Variants in ESS2 observed in about 807,000 individuals in gnomAD.
ESS2 encodes the protein ess-2 spliceosome associated protein.
Under a neutral mutation model 52.0 loss-of-function variants are expected in ESS2, and 31 were observed. The ratio of observed to expected loss-of-function variants is 0.60; its 90% CI spans 0.45 to 0.81. The LOEUF is 0.81. Among genes scored for constraint, ESS2 ranks in the 30% least tolerant of loss-of-function variants. The pLI is 0.00. For synonymous variants in ESS2, 285 were observed against 259.2 expected (o/e 1.10, Z -0.95); for missense variants, 602 against 637.2 (o/e 0.94, Z 0.59).
At position 19,134,079 on chromosome 22, in the gene ESS2, T is replaced by C. The variant is rs2083537088; in HGVS notation, c.*117A>G. On this transcript the variant is annotated 3_prime_UTR_variant, in exon 10 of 10. Transcript: ENST00000252137. ...AGCCCCTTTCTCCAGTGACTCCTGG[T>C]ATGGTCAACAGCTTCTGGCCCAGGC... The C allele has an allele frequency of 4.8e-6, 6 of 1,241,908 alleles. No individual in the cohort carries two copies. In the South Asian group the frequency reaches 1.3e-4, roughly 27 times the overall value. 76.9% of individuals were successfully genotyped at this position (1,241,908 alleles called of 1,614,324 possible). A position where few individuals can be genotyped will look rare whatever the true frequency, so the allele number is the denominator to read the frequency against.
chr22:19,133,006 C>G lies in ESS2; in HGVS notation c.*1190G>C, dbSNP rs902787469. 1 of 154,886 alleles carries G rather than the reference C, an allele frequency of 6.5e-6. No homozygotes were observed. Among genetic ancestry groups the G allele is most frequent in the African/African-American group, 2.4e-5 (1 of 41,472 alleles). 9.6% of individuals were successfully genotyped at this position (154,886 alleles called of 1,614,324 possible). Reference sequence around the variant, plus strand: ...GACCTACCCCCACTCCCTCACAATCCCTCGCTCAGCATCCTCCTCTTCCTC... The same window carrying G: ...GACCTACCCCCACTCCCTCACAATCGCTCGCTCAGCATCCTCCTCTTCCTC... On this transcript the variant is annotated 3_prime_UTR_variant, in exon 10 of 10. Coordinates refer to ENST00000252137, the MANE Select transcript of ESS2 (RefSeq NM_022719.3).
At chr22:19,144,430 CG>C in intron 1 of ESS2, 75 bp downstream of exon 1, 1 of 1,600,614 alleles carries the variant, frequency 6.2e-7, no homozygotes, top group East Asian at 2.3e-5. Flanking sequence ...TGTCAACACC[CG>C]AGAGAGGGAA....
chr22:19,138,403 G>A, intron 6 of ESS2, 86 bp from the exon 7 acceptor site: 1 of 1,240,960 alleles, frequency 8.1e-7, no homozygotes, highest in Non-Finnish European at 1.2e-6. Context: ...GGAACATGCT[G>A]GAAACACTTC....
intron 3 of ESS2, among the ~76,000 whole-genome samples, chr22:19,141,380 T>C (rs1569112136): frequency 1.3e-5 from 2 of 152,180 alleles, no homozygotes; most frequent in Admixed American, 6.5e-5. Flanking sequence ...ATTCTACTAC[T>C]GATGAAAAGA....
At chr22:19,144,099 G>A in intron 1 of ESS2, 1 of 1,011,612 alleles carries the variant, frequency 9.9e-7, no homozygotes, top group Non-Finnish European at 1.2e-6. Flanking sequence ...GTGTGCGTGT[G>A]GTGGGGCGAC....
At chr22:19,140,288 C>G (rs1009523204) in intron 3 of ESS2, among the ~76,000 whole-genome samples, 2 of 152,188 alleles carry the variant, frequency 1.3e-5, no homozygotes, top group Non-Finnish European at 2.9e-5. Context: ...AAGGGAATTA[C>G]GTGGTCTGAT....
At chr22:19,138,106 T>C in intron 7 of ESS2, 109 bp downstream of exon 7, 3 of 1,553,236 alleles carry the variant, frequency 1.9e-6, no homozygotes. Context: ...TTACACAAGG[T>C]GTGGGGCAGG....
rs749669668 is a variant in ESS2, at chr22:19,139,964, C to T, written c.461G>A (p.Arg154His). 20 of 1,613,996 alleles carry T rather than the reference C, an allele frequency of 1.2e-5. No individual in the cohort carries two copies. Among genetic ancestry groups the T allele is most frequent in the African/African-American group, 6.7e-5 (5 of 74,938 alleles). Reference protein sequence around the residue: ...PLPSLDVFLSRYTSEDNASFQ... With the variant: ...PLPSLDVFLSHYTSEDNASFQ... ...GGAGGCATTGTCCTCACTCGTGTAGCGGCTCAGGAAGACATCTAGGCTGGG... is the reference window on the plus strand; with the variant it reads ...GGAGGCATTGTCCTCACTCGTGTAGTGGCTCAGGAAGACATCTAGGCTGGG... The change falls in exon 4 of 10, where the codon CGC becomes CAC. Residue 154 changes from arginine to histidine, a missense_variant. Coordinates refer to ENST00000252137, the MANE Select transcript of ESS2 (RefSeq NM_022719.3).
intron 1 of ESS2, 178 bp downstream of exon 1, chr22:19,144,328 C>A (rs964373792): frequency 7.1e-7 from 1 of 1,408,926 alleles, no homozygotes; most frequent in Non-Finnish European, 9.3e-7. Flanking sequence ...ACTACTACAG[C>A]CTCTTCCACC....
chr22:19,140,030 T>G lies in ESS2; in HGVS notation c.401-6A>C. Reference sequence around the variant, plus strand: ...CTCCTCCTCTCCAGCCTCTCCTGCTTAGGGGTTGCGGGAGGAGGAACACAG... The same window carrying G: ...CTCCTCCTCTCCAGCCTCTCCTGCTGAGGGGTTGCGGGAGGAGGAACACAG... On this transcript the variant is annotated splice_polypyrimidine_tract_variant and splice_region_variant and intron_variant, in intron 3 of 9. Transcript: ENST00000252137. 1 of 1,613,230 alleles carries G rather than the reference T, an allele frequency of 6.2e-7. No individual in the cohort carries two copies. Among genetic ancestry groups the G allele is most frequent in the Non-Finnish European group, 8.5e-7 (1 of 1,179,912 alleles).
intron 8 of ESS2, among the ~76,000 whole-genome samples, chr22:19,135,725 CTAACT>C (rs1349923062): frequency 6.6e-6 from 1 of 152,126 alleles, no homozygotes; most frequent in Non-Finnish European, 1.5e-5. Flanking sequence ...AAAGTCCCTC[CTAACT>C]TAAGATTAGA....
At position 19,134,167 on chromosome 22, in the gene ESS2, G is replaced by T. The variant is rs1418853075; in HGVS notation, c.*29C>A. Reference sequence around the variant, plus strand: ...ACAGCTGCCCTGCAGGCTCTGTGAAGCGTCTATGAGCCCAGCCCAGGCCTG... The same window carrying T: ...ACAGCTGCCCTGCAGGCTCTGTGAATCGTCTATGAGCCCAGCCCAGGCCTG... On this transcript the variant is annotated 3_prime_UTR_variant, in exon 10 of 10. Transcript: ENST00000252137. 2.7e-6 allele frequency: 4 copies of T among 1,480,354 alleles called. No individual in the cohort carries two copies. Among genetic ancestry groups the T allele is most frequent in the African/African-American group, 1.4e-5 (1 of 69,984 alleles). 91.7% of individuals were successfully genotyped at this position (1,480,354 alleles called of 1,614,324 possible). A position where few individuals can be genotyped will look rare whatever the true frequency, so the allele number is the denominator to read the frequency against.
chr22:19,131,951 C>T lies in ESS2; in HGVS notation c.*2245G>A, dbSNP rs185015956. On this transcript the variant is annotated 3_prime_UTR_variant, in exon 10 of 10. Coordinates refer to ENST00000252137, the MANE Select transcript of ESS2 (RefSeq NM_022719.3). This position sits in a 1 kb window ranked among gnomAD's most constrained non-coding sequence, Gnocchi z 5.7. ...GCGGGTCGGCAGCATATGCAGCCCC[C>T]GAGGTGCTGCAGAGCATCCCCTACC... 5.6e-6 allele frequency: 9 copies of T among 1,614,144 alleles called. No individual in the cohort carries two copies. The highest frequency in any genetic ancestry group is 3.3e-5 in the Admixed American group (2 of 60,026).
chr22:19,132,312 T>C lies in ESS2; in HGVS notation c.*1884A>G, dbSNP rs185310637. On this transcript the variant is annotated 3_prime_UTR_variant, in exon 10 of 10. Transcript: ENST00000252137. This position sits in a 1 kb window ranked among gnomAD's most constrained non-coding sequence, Gnocchi z 4.2. ...GTGCAAACTGGACACCAAGACAGGC[T>C]TGAGGCCCGACCACCGGCCCGACCA... 1 of 1,612,782 alleles carries C rather than the reference T, an allele frequency of 6.2e-7. No individual in the cohort carries two copies. Among genetic ancestry groups the C allele is most frequent in the East Asian group, 2.2e-5 (1 of 44,858 alleles).
chr22:19,132,211 G>A lies in ESS2; in HGVS notation c.*1985C>T. On this transcript the variant is annotated 3_prime_UTR_variant, in exon 10 of 10. Transcript: ENST00000252137. This position sits in a 1 kb window ranked among gnomAD's most constrained non-coding sequence, Gnocchi z 4.2. ...ATCGATGAGATCCTCAGCCACTCGTGGCTGCAGCCCCCCAAGCCCAAAGCC... is the reference window on the plus strand; with the variant it reads ...ATCGATGAGATCCTCAGCCACTCGTAGCTGCAGCCCCCCAAGCCCAAAGCC... 1.2e-6 allele frequency: 2 copies of A among 1,612,464 alleles called. No homozygotes were observed. The highest frequency in any genetic ancestry group is 1.7e-6 in the Non-Finnish European group (2 of 1,178,806).
rs772497881 is a variant in ESS2 at position 19,132,522 on chromosome 22, G to A, written c.*1674C>T. 2 of 1,544,054 alleles carry A rather than the reference G, an allele frequency of 1.3e-6. No homozygotes were observed. Among genetic ancestry groups the A allele is most frequent in the Non-Finnish European group, 1.8e-6 (2 of 1,138,902 alleles). On this transcript the variant is annotated 3_prime_UTR_variant, in exon 10 of 10. Coordinates refer to ENST00000252137, the MANE Select transcript of ESS2 (RefSeq NM_022719.3). This position sits in a 1 kb window ranked among gnomAD's most constrained non-coding sequence, Gnocchi z 4.2. Reference sequence around the variant, plus strand: ...GTGTGGTGGGGGTCGGGGTTGGGGGGCATGGTGCAGTCGGCCTTCACGTAA... The same window carrying A: ...GTGTGGTGGGGGTCGGGGTTGGGGGACATGGTGCAGTCGGCCTTCACGTAA...
At chr22:19,141,169 T>TG (rs1442426098) in intron 3 of ESS2, among the ~76,000 whole-genome samples, 15 of 150,502 alleles carry the variant, frequency 1.0e-4, no homozygotes, top group African/African-American at 3.4e-4. Flanking sequence ...TGCCCTGTGA[T>TG]GCACAAGCTA....
chr22:19,130,493 T>G lies in ESS2; in HGVS notation c.*3703A>C, dbSNP rs2083496582. 3 of 337,948 alleles carry G rather than the reference T, an allele frequency of 8.9e-6. No individual in the cohort carries two copies. The highest frequency in any genetic ancestry group is 1.7e-5 in the Non-Finnish European group (3 of 179,078). The allele number at this position is 337,948 out of a possible 1,614,324, so 20.9% of individuals were successfully genotyped here. Reference sequence around the variant, plus strand: ...AAAAAAAATGCTTGCTAAGTCCGATTAAAAGGGGCCCAGTGCCTTCAAGGC... The same window carrying G: ...AAAAAAAATGCTTGCTAAGTCCGATGAAAAGGGGCCCAGTGCCTTCAAGGC... On this transcript the variant is annotated 3_prime_UTR_variant, in exon 10 of 10. Transcript: ENST00000252137.
chr22:19,131,104 T>C lies in ESS2; in HGVS notation c.*3092A>G. 1 of 382,446 alleles carries C rather than the reference T, an allele frequency of 2.6e-6. No individual in the cohort carries two copies. Among genetic ancestry groups the C allele is most frequent in the Non-Finnish European group, 4.8e-6 (1 of 209,668 alleles). 23.7% of individuals were successfully genotyped at this position (382,446 alleles called of 1,614,324 possible). On this transcript the variant is annotated 3_prime_UTR_variant, in exon 10 of 10. Transcript: ENST00000252137. This position sits in a 1 kb window ranked among gnomAD's most constrained non-coding sequence, Gnocchi z 5.7. ...CAGCAGGGCCACCAGAGTCCTGTCCTGGGGACAGGCTTCCTTCCAGCGGGC... is the reference window on the plus strand; with the variant it reads ...CAGCAGGGCCACCAGAGTCCTGTCCCGGGGACAGGCTTCCTTCCAGCGGGC...
Sources: gnomAD v4.1 joint callset for allele counts (sites outside exome capture counted in the v4.1 genomes callset) on GRCh38, gnomAD v4.1.1 for gene constraint, Gnocchi (gnomAD v3.1) non-coding constraint, MANE v1.5 for transcripts, NCBI Gene and HGNC (gene_info 2026-07-23, HGNC 2026-07-21) for gene names.